Variants in CCDC144A observed in about 807,000 individuals in gnomAD.
The protein encoded by CCDC144A is coiled-coil domain containing 144A, also known as coiled-coil domain-containing protein 144A.
A neutral mutation model predicts 143.8 loss-of-function variants in CCDC144A; 41 were observed. The ratio of observed to expected loss-of-function variants is 0.29; its 90% CI spans 0.22 to 0.37. The LOEUF (loss-of-function observed/expected upper bound fraction) is 0.37. CCDC144A is among the 10% of genes least tolerant of loss of function. CCDC144A has a pLI of 1.00. For synonymous variants in CCDC144A, 242 were observed against 517.9 expected (o/e 0.47, Z 7.23); for missense variants, 637 against 1,488.8 (o/e 0.43, Z 9.41).
intron 12 of CCDC144A, chr17:16,746,378 C>A (rs1914519892): frequency 3.6e-6 from 5 of 1,372,786 alleles, no homozygotes; most frequent in East Asian, 2.4e-5. Context: ...TTCTCGAATT[C>A]TCTGCTTTTC....
intron 15 of CCDC144A, among the ~76,000 whole-genome samples, chr17:16,767,697 G>A (rs1301680405): frequency 6.6e-6 from 1 of 152,214 alleles, no homozygotes; most frequent in Non-Finnish European, 1.5e-5. Context: ...ACTGTGAAGT[G>A]CTATCATACT....
At chr17:16,763,032 G>C (rs1390165625) in intron 14 of CCDC144A, among the ~76,000 whole-genome samples, 11 of 150,854 alleles carry the variant, frequency 7.3e-5, no homozygotes, top group Non-Finnish European at 1.2e-4. Context: ...GCTTGATTGT[G>C]ATCATTAGAG....
rs1597597240 is a variant in CCDC144A at position 16,767,499 on chromosome 17, A to C, written c.4098+3324A>C. Among the ~76,000 whole-genome samples, 4 of 150,490 alleles carry C rather than the reference A, an allele frequency of 2.7e-5. No individual in the cohort carries two copies. The South Asian group carries it at 8.5e-4, about 32-fold the overall frequency. ...TAACATACCATCTAAACTGAGATTT[A>C]CAAAAAAAGGTAGGGGGTGGGGTGG... On this transcript the variant is annotated intron_variant, in intron 15 of 16. Coordinates refer to ENST00000399273, the MANE Select transcript of CCDC144A (RefSeq NM_001382000.1).
intron 12 of CCDC144A, among the ~76,000 whole-genome samples, chr17:16,742,775 C>A: frequency 6.6e-6 from 1 of 151,950 alleles, no homozygotes; most frequent in East Asian, 1.9e-4. Flanking sequence ...TGTGGTGAGA[C>A]GATATCTTAT....
intron 15 of CCDC144A, among the ~76,000 whole-genome samples, chr17:16,771,246 C>T (rs543856845): frequency 6.6e-6 from 1 of 152,302 alleles, no homozygotes; most frequent in South Asian, 2.1e-4. Flanking sequence ...GAAAAGAAAT[C>T]AAAGTTGCAG....
chr17:16,742,783 T>C (rs1239712701), intron 12 of CCDC144A, among the ~76,000 whole-genome samples: 1 of 152,188 alleles, frequency 6.6e-6, no homozygotes, highest in African/African-American at 2.4e-5. Context: ...GACGATATCT[T>C]ATTTGGGATT....
chr17:16,709,103 C>T lies in CCDC144A; in HGVS notation c.1046C>T (p.Ala349Val), dbSNP rs1317030729. The T allele has an allele frequency of 2.5e-6, 4 of 1,611,484 alleles. No homozygotes were observed. The highest frequency in any genetic ancestry group is 3.4e-6 in the Non-Finnish European group (4 of 1,179,638). The change falls in exon 5 of 17, where the codon GCA becomes GTA. Residue 349 changes from alanine to valine, a missense_variant. Coordinates refer to ENST00000399273, the MANE Select transcript of CCDC144A (RefSeq NM_001382000.1). The stretch of plus-strand genomic sequence containing the variant: ...ATACCTGGTTGTGAGGAAGAAGATG[C>T]ATCTGAAATATCTGTCTCAGTGGTA... ...NNIPGCEEED[A>V]SEISVSVVFE...
intron 8 of CCDC144A, among the ~76,000 whole-genome samples, chr17:16,726,111 G>A (rs1442952908): frequency 6.6e-6 from 1 of 152,094 alleles, no homozygotes; most frequent in Non-Finnish European, 1.5e-5. Flanking sequence ...GGGCGCGGTG[G>A]CTCAAGCCTG....
chr17:16,719,213 G>C (rs1193788563), intron 6 of CCDC144A, among the ~76,000 whole-genome samples: 2 of 151,726 alleles, frequency 1.3e-5, no homozygotes, highest in African/African-American at 4.9e-5. Context: ...ATGTTTCCCT[G>C]GACCAACATT....
At chr17:16,701,781 G>A (rs550312692) in intron 2 of CCDC144A, among the ~76,000 whole-genome samples, 6 of 151,240 alleles carry the variant, frequency 4.0e-5, no homozygotes, top group South Asian at 4.2e-4. Flanking sequence ...CGTTTGCCAC[G>A]TAACGGGGAG....
At chr17:16,691,573 A>G (rs1911076798) in intron 1 of CCDC144A, among the ~76,000 whole-genome samples, 2 of 151,854 alleles carry the variant, frequency 1.3e-5, no homozygotes, top group Non-Finnish European at 2.9e-5. Flanking sequence ...CATCCTGGCT[A>G]ACACGGTGAA....
the CCDC144A span, among the ~76,000 whole-genome samples, chr17:16,667,647 T>G: frequency 6.6e-6 from 1 of 152,116 alleles, no homozygotes; most frequent in Non-Finnish European, 1.5e-5. Flanking sequence ...TTACTCTGTC[T>G]CTGTTTTTGC....
the CCDC144A span, among the ~76,000 whole-genome samples, chr17:16,668,186 T>C: frequency 6.7e-6 from 1 of 149,310 alleles, no homozygotes; most frequent in African/African-American, 2.5e-5. Context: ...CAATTCATTT[T>C]TCAATGTGTT....
chr17:16,696,162 G>C (rs544459952), intron 2 of CCDC144A, among the ~76,000 whole-genome samples: 3 of 152,026 alleles, frequency 2.0e-5, no homozygotes, highest in African/African-American at 4.8e-5. Context: ...ATACAGGCGC[G>C]AGCCACCATG....
At chr17:16,679,561 T>C in the CCDC144A span, among the ~76,000 whole-genome samples, 508 of 152,174 alleles carry the variant, frequency 3.3e-3, 3 homozygotes, top group African/African-American at 0.012. Context: ...GTTCTCGGGC[T>C]GTGAGGTTCT....
At chr17:16,693,256 A>T (rs1321815437) in intron 2 of CCDC144A, among the ~76,000 whole-genome samples, 1 of 152,176 alleles carries the variant, frequency 6.6e-6, no homozygotes, top group Non-Finnish European at 1.5e-5. Context: ...CTGGTCTGAA[A>T]AAAAATTAAT....
intron 13 of CCDC144A, among the ~76,000 whole-genome samples, 174 bp downstream of exon 13, chr17:16,761,892 T>A (rs1291291898): frequency 6.6e-6 from 1 of 152,262 alleles, no homozygotes; most frequent in Non-Finnish European, 1.5e-5. Context: ...ATCATTCTTA[T>A]AAGTAAATTG....
chr17:16,704,420 A>C (rs1281843191), intron 2 of CCDC144A, among the ~76,000 whole-genome samples: 1 of 152,154 alleles, frequency 6.6e-6, no homozygotes, highest in Non-Finnish European at 1.5e-5. Flanking sequence ...GCGCCATTGC[A>C]CTCCAGCCTG....
intron 1 of CCDC144A, 47 bp downstream of exon 1, chr17:16,690,791 T>G: frequency 6.5e-7 from 1 of 1,540,594 alleles, no homozygotes; most frequent in Non-Finnish European, 8.8e-7. Context: ...GACACTGGCT[T>G]TCTGGTGCCC....
Sources: gnomAD v4.1 joint callset for allele counts (sites outside exome capture counted in the v4.1 genomes callset) on GRCh38, gnomAD v4.1.1 for gene constraint, MANE v1.5 for transcripts, NCBI Gene and HGNC (gene_info 2026-07-23, HGNC 2026-07-21) for gene names.